The following RSRC1 variants were observed in gnomAD, a reference collection of about 807,000 sequenced individuals.
RSRC1 encodes arginine and serine rich coiled-coil 1.
Under a neutral mutation model 49.1 loss-of-function variants are expected in RSRC1, and 39 were observed. The observed-to-expected ratio is 0.79, with a 90% CI of 0.61 to 1.04. The LOEUF (loss-of-function observed/expected upper bound fraction) is 1.04, where lower values mean the gene tolerates loss of function less well. Among genes scored for constraint, RSRC1 ranks in the 50% least tolerant of loss-of-function variants. The pLI is 0.00. For synonymous variants in RSRC1, 143 were observed against 130.8 expected (o/e 1.09, Z -0.63); for missense variants, 388 against 402.4 (o/e 0.96, Z 0.31).
chr3:158,256,616 T>C (rs891766811), intron 4 of RSRC1, among the ~76,000 whole-genome samples: 2 of 152,148 alleles, frequency 1.3e-5, no homozygotes, highest in African/African-American at 2.4e-5. Flanking sequence ...CCTCTTTTTC[T>C]ATTGATTGGA....
intron 4 of RSRC1, among the ~76,000 whole-genome samples, chr3:158,223,985 T>C (rs699922): frequency 0.57 from 86,577 of 151,476 alleles, 25,103 homozygotes; most frequent in East Asian, 0.73. Context: ...TACTCTATAT[T>C]CTGTTTCTGT....
At chr3:158,347,955 G>A (rs1226376202) in intron 5 of RSRC1, among the ~76,000 whole-genome samples, 1 of 152,052 alleles carries the variant, frequency 6.6e-6, no homozygotes, top group African/African-American at 2.4e-5. Context: ...TTTAATATAG[G>A]CATGCAGTGC....
At chr3:158,442,755 CTTA>C (rs988080755) in intron 6 of RSRC1, among the ~76,000 whole-genome samples, 29 of 152,008 alleles carry the variant, frequency 1.9e-4, no homozygotes, top group African/African-American at 7.0e-4. Context: ...ACTTTCAAGT[CTTA>C]TTGTTTAAGA....
At chr3:158,330,523 T>C (rs1729483511) in intron 5 of RSRC1, among the ~76,000 whole-genome samples, 1 of 152,170 alleles carries the variant, frequency 6.6e-6, no homozygotes, top group Admixed American at 6.5e-5. Flanking sequence ...TGGACACCTT[T>C]TCGTGTTAAC....
chr3:158,287,935 T>G (rs1369371366), intron 4 of RSRC1, among the ~76,000 whole-genome samples: 3 of 152,214 alleles, frequency 2.0e-5, no homozygotes, highest in African/African-American at 7.2e-5. Context: ...TTTGTGCATA[T>G]TATGCAAGAT....
Position 158,467,298 on chromosome 3 carries a change from G to C in RSRC1, c.652+6295G>C, listed in dbSNP as rs182150727. Among the ~76,000 whole-genome samples, 4 of 152,168 alleles carry C rather than the reference G, an allele frequency of 2.6e-5. No homozygotes were observed. The South Asian group carries it at 8.3e-4, about 32-fold the overall frequency. ...AAGAGCTTACATTCTAGAGGATAAG[G>C]GGGAGACAGAAAATAAAATGAAAAC... On this transcript the variant is annotated intron_variant, in intron 7 of 9. Coordinates refer to ENST00000611884, the MANE Select transcript of RSRC1 (RefSeq NM_001271838.2).
chr3:158,197,179 G>A (rs975859221), intron 3 of RSRC1, among the ~76,000 whole-genome samples: 3 of 152,098 alleles, frequency 2.0e-5, no homozygotes, highest in African/African-American at 7.2e-5. Context: ...CAATTTCAGA[G>A]CCTGTTATTG....
At chr3:158,133,815 T>C (rs1716189635) in intron 3 of RSRC1, among the ~76,000 whole-genome samples, 1 of 152,248 alleles carries the variant, frequency 6.6e-6, no homozygotes, top group African/African-American at 2.4e-5. Context: ...TAGAATGGAA[T>C]ACTTATGCAG....
At chr3:158,521,966 A>G (rs939116) in intron 7 of RSRC1, among the ~76,000 whole-genome samples, 30,410 of 151,992 alleles carry the variant, frequency 0.2, 3,710 homozygotes, top group African/African-American at 0.35. Context: ...TTGATATGAT[A>G]ATGTATTAGA....
intron 5 of RSRC1, among the ~76,000 whole-genome samples, chr3:158,307,159 T>C (rs140140654): frequency 1.1e-3 from 168 of 151,824 alleles, no homozygotes; most frequent in Middle Eastern, 6.8e-3. Context: ...ACTGAGCACA[T>C]ATGAATATTA....
At chr3:158,220,953 A>G (rs1722194173) in intron 4 of RSRC1, among the ~76,000 whole-genome samples, 1 of 151,668 alleles carries the variant, frequency 6.6e-6, no homozygotes, top group Non-Finnish European at 1.5e-5. Context: ...ATATTTGGTC[A>G]TGATATCAAA....
intron 6 of RSRC1, among the ~76,000 whole-genome samples, chr3:158,455,682 T>G (rs1331885935): frequency 6.6e-6 from 1 of 151,948 alleles, no homozygotes; most frequent in Non-Finnish European, 1.5e-5. Flanking sequence ...AGACTTCACT[T>G]TGGAAGGGGC....
intron 6 of RSRC1, among the ~76,000 whole-genome samples, chr3:158,427,284 A>G (rs1735502281): frequency 6.6e-6 from 1 of 151,840 alleles, no homozygotes; most frequent in South Asian, 2.1e-4. Context: ...TATTTGAATT[A>G]ATGAAAACAT....
At chr3:158,463,727 A>G (rs1278394248) in intron 7 of RSRC1, among the ~76,000 whole-genome samples, 11 of 152,156 alleles carry the variant, frequency 7.2e-5, no homozygotes. Flanking sequence ...TAAATCAATA[A>G]CATAATTATG....
chr3:158,534,313 C>T (rs924423074), intron 7 of RSRC1, among the ~76,000 whole-genome samples: 2 of 151,602 alleles, frequency 1.3e-5, no homozygotes, highest in African/African-American at 4.8e-5. Context: ...TCCTTTAATA[C>T]TCTTTATATT....
At chr3:158,385,813 A>G (rs1732938303) in intron 6 of RSRC1, among the ~76,000 whole-genome samples, 1 of 152,164 alleles carries the variant, frequency 6.6e-6, no homozygotes, top group Non-Finnish European at 1.5e-5. Context: ...TATCTTTCCC[A>G]TAAACAAATT....
chr3:158,184,586 G>A (rs1470711059), intron 3 of RSRC1, among the ~76,000 whole-genome samples: 5 of 152,114 alleles, frequency 3.3e-5, no homozygotes, highest in African/African-American at 9.6e-5. Context: ...TCACAGATTC[G>A]GAAGAAAAGT....
chr3:158,368,678 G>T (rs1185204043), intron 6 of RSRC1, among the ~76,000 whole-genome samples: 4 of 152,162 alleles, frequency 2.6e-5, no homozygotes, highest in African/African-American at 9.7e-5. Context: ...ATAAGATTTG[G>T]ATGCTTGCTT....
chr3:158,474,869 A>G (rs1181545771), intron 7 of RSRC1, among the ~76,000 whole-genome samples: 2 of 152,064 alleles, frequency 1.3e-5, no homozygotes, highest in African/African-American at 4.8e-5. Context: ...CTATTCTAGT[A>G]CCTTATGCTG....
Sources: allele counts gnomAD v4.1 joint callset (sites outside exome capture counted in the v4.1 genomes callset), GRCh38; gene constraint gnomAD v4.1.1; transcripts MANE v1.5; gene names NCBI Gene and HGNC (gene_info 2026-07-23, HGNC 2026-07-21).